Variants in ASPSCR1 observed in about 807,000 individuals in gnomAD.
ASPSCR1 encodes tether containing UBX domain for GLUT4.
Under a neutral mutation model 68.9 loss-of-function variants are expected in ASPSCR1, and 55 were observed. The observed-to-expected ratio is 0.80, with a 90% CI of 0.64 to 1.00. The LOEUF (loss-of-function observed/expected upper bound fraction) is 1.00, where lower values mean the gene tolerates loss of function less well. ASPSCR1 is among the 50% of genes least tolerant of loss of function. The probability of loss-of-function intolerance (pLI) is 0.00; values close to 1 mark genes in which losing one functional copy is unlikely to be tolerated. For synonymous variants in ASPSCR1, 352 were observed against 332.6 expected (o/e 1.06, Z -0.63); for missense variants, 765 against 762.2 (o/e 1.00, Z -0.04).
chr17:82,000,019 C>A (rs574482039), intron 7 of ASPSCR1, among the ~76,000 whole-genome samples: 1 of 152,370 alleles, frequency 6.6e-6, no homozygotes, highest in African/African-American at 2.4e-5. Flanking sequence ...CATCCTCCCT[C>A]TGGGAACTCT....
At chr17:81,980,531 C>T (rs1054662127) in intron 2 of ASPSCR1, among the ~76,000 whole-genome samples, 2 of 152,230 alleles carry the variant, frequency 1.3e-5, no homozygotes, top group African/African-American at 4.8e-5. Context: ...TCTCCAGTCT[C>T]TCTTGTCAAC....
chr17:82,010,793 C>T lies in ASPSCR1; in HGVS notation c.1171-9C>T, dbSNP rs1372882035. On this transcript the variant is annotated splice_polypyrimidine_tract_variant and intron_variant, in intron 9 of 15. Coordinates refer to ENST00000306739, the MANE Select transcript of ASPSCR1 (RefSeq NM_024083.4). ...CCGTCCCTCCAACCCTTCCACTTGT[C>T]TGGCCTAGGTGGCTCTGAGGGTCCT... 1 of 1,612,816 alleles carries T rather than the reference C, an allele frequency of 6.2e-7. No homozygotes were observed. Among genetic ancestry groups the T allele is most frequent in the Non-Finnish European group, 8.5e-7 (1 of 1,179,664 alleles).
intron 4 of ASPSCR1, among the ~76,000 whole-genome samples, chr17:81,988,321 C>T (rs1200518882): frequency 4.0e-5 from 6 of 151,766 alleles, no homozygotes; most frequent in African/African-American, 7.3e-5. Flanking sequence ...ATTAGCTGGG[C>T]GCAATGGCTC....
chr17:81,994,145 A>G (rs1004551500), intron 4 of ASPSCR1, among the ~76,000 whole-genome samples: 3 of 152,232 alleles, frequency 2.0e-5, no homozygotes, highest in Admixed American at 6.5e-5. Flanking sequence ...CATGCACATC[A>G]GGCATGTGTG....
chr17:82,017,313 C>G lies in ASPSCR1; in HGVS notation c.1653C>G (p.Ser551Arg). The change falls in exon 16 of 16, where the codon AGC becomes AGG. Residue 551 changes from serine to arginine, a missense_variant. By Grantham distance (110) the Ser-to-Arg change is moderately radical. Coordinates refer to ENST00000306739, the MANE Select transcript of ASPSCR1 (RefSeq NM_024083.4). The part of the protein sequence containing the change: ...KVPKWLKLPA[S>R]KR ...CCTGATGTGTCTGCACTACAGCCAGCAAGAGGTGAGAGCTGCCAGCCTGAG... is the reference window on the plus strand; with the variant it reads ...CCTGATGTGTCTGCACTACAGCCAGGAAGAGGTGAGAGCTGCCAGCCTGAG... 1 of 1,611,414 alleles carries G rather than the reference C, an allele frequency of 6.2e-7. No individual in the cohort carries two copies. Among genetic ancestry groups the G allele is most frequent in the Non-Finnish European group, 8.5e-7 (1 of 1,179,936 alleles).
chr17:81,991,856 C>T (rs2042179070), intron 4 of ASPSCR1, among the ~76,000 whole-genome samples: 1 of 152,250 alleles, frequency 6.6e-6, no homozygotes, highest in South Asian at 2.1e-4. Flanking sequence ...TTGTCATACC[C>T]AGACAGGACA....
intron 10 of ASPSCR1, 25 bp downstream of exon 10, chr17:82,010,893 G>C: frequency 6.2e-7 from 1 of 1,607,994 alleles, no homozygotes; most frequent in Non-Finnish European, 8.5e-7. Flanking sequence ...GGGGTGTCCG[G>C]GGATGGGGGG....
At chr17:82,010,295 C>T (rs574843539) in intron 9 of ASPSCR1, among the ~76,000 whole-genome samples, 16 of 150,926 alleles carry the variant, frequency 1.1e-4, no homozygotes, top group East Asian at 6.1e-4. Flanking sequence ...TTTGGGAGGC[C>T]AAGGTGGGCG....
rs1323806691 is a variant in ASPSCR1, at chr17:81,977,787, G to T, written c.102+39G>T. ...CCCGGGGCGGACGGGTAGGCGGGCGGGGGGCGCTGCGCCGAGGCCCCGCCC... is the reference window on the plus strand; with the variant it reads ...CCCGGGGCGGACGGGTAGGCGGGCGTGGGGCGCTGCGCCGAGGCCCCGCCC... On this transcript the variant is annotated intron_variant, in intron 1 of 15. Coordinates refer to ENST00000306739, the MANE Select transcript of ASPSCR1 (RefSeq NM_024083.4). This position sits in a 1 kb window ranked among gnomAD's most constrained non-coding sequence, Gnocchi z 5.0. 18 of 1,205,518 alleles carry T rather than the reference G, an allele frequency of 1.5e-5. No homozygotes were observed. The highest frequency in any genetic ancestry group is 1.7e-5 in the Non-Finnish European group (16 of 969,352). The allele number at this position is 1,205,518 out of a possible 1,614,324, so 74.7% of individuals were successfully genotyped here.
At position 81,977,760 on chromosome 17, in the gene ASPSCR1, C is replaced by G. The variant is rs9906594; in HGVS notation, c.102+12C>G. Reference sequence around the variant, plus strand: ...CCGTGCTGCTTCAGGTGCGGCCGCCCGCCCGGGGCGGACGGGTAGGCGGGC... The same window carrying G: ...CCGTGCTGCTTCAGGTGCGGCCGCCGGCCCGGGGCGGACGGGTAGGCGGGC... On this transcript the variant is annotated intron_variant, in intron 1 of 15. Coordinates refer to ENST00000306739, the MANE Select transcript of ASPSCR1 (RefSeq NM_024083.4). This position sits in a 1 kb window ranked among gnomAD's most constrained non-coding sequence, Gnocchi z 5.0. The G allele has an allele frequency of 0.65, 792,228 of 1,220,708 alleles. 259,796 individuals are homozygous for G. Among genetic ancestry groups the G allele is most frequent in the African/African-American group, 0.68 (43,124 of 63,662 alleles). The allele number at this position is 1,220,708 out of a possible 1,614,324, so 75.6% of individuals were successfully genotyped here.
At chr17:81,985,048 C>CA (rs1555630244) in intron 3 of ASPSCR1, among the ~76,000 whole-genome samples, 1 of 134,896 alleles carries the variant, frequency 7.4e-6, no homozygotes, top group African/African-American at 3.1e-5. Context: ...CACCTCCCCC[C>CA]CACACACACC....
rs2041661556 is a variant in ASPSCR1 at position 81,977,935 on chromosome 17, G to C, written c.102+187G>C. The C allele has an allele frequency of 5.6e-6, 2 of 355,492 alleles. No individual in the cohort carries two copies. The highest frequency in any genetic ancestry group is 5.0e-5 in the East Asian group (1 of 20,144). 22.0% of individuals were successfully genotyped at this position (355,492 alleles called of 1,614,324 possible). ...CTTCCGCTGGGGTCCCGGGGGTCCC[G>C]GGGGTCCCGAGTGGGGGCGGGGCGG... On this transcript the variant is annotated intron_variant, in intron 1 of 15. Transcript: ENST00000306739. The surrounding 1 kb of genome is among the most constrained non-coding windows in gnomAD (Gnocchi z 5.0).
intron 9 of ASPSCR1, among the ~76,000 whole-genome samples, chr17:82,010,497 C>A (rs1460463670): frequency 6.7e-6 from 1 of 149,696 alleles, no homozygotes; most frequent in Non-Finnish European, 1.5e-5. Flanking sequence ...CCACTGCACT[C>A]CAGCCTGGGC....
chr17:81,993,404 G>C (rs60146039), intron 4 of ASPSCR1, among the ~76,000 whole-genome samples: 7,855 of 152,148 alleles, frequency 0.052, 286 homozygotes, highest in South Asian at 0.14. Flanking sequence ...TAGTAGAGAC[G>C]GGGTTTCATT....
chr17:82,009,091 G>C lies in ASPSCR1; in HGVS notation c.988G>C (p.Glu330Gln). The change falls in exon 8 of 16, where the codon GAG becomes CAG. Residue 330 changes from glutamate to glutamine, a missense_variant. By Grantham distance (29) the Glu-to-Gln change is conservative (BLOSUM62 2). Transcript: ENST00000306739. ...GCCGGTGGTGTGCCACCCCGACCTG[G>C]AGGAGCGGCTGCAGGCCTGGCCAGC... ...REPVVCHPDL[E>Q]ERLQAWPAEL... 3 of 1,587,846 alleles carry C rather than the reference G, an allele frequency of 1.9e-6. No homozygotes were observed. The highest frequency in any genetic ancestry group is 2.6e-6 in the Non-Finnish European group (3 of 1,167,548).
At position 82,012,260 on chromosome 17, in the gene ASPSCR1, G is replaced by C; in HGVS notation, c.1330G>C (p.Asp444His). Residue 444 changes from aspartate (D) to histidine (H), a missense_variant, in exon 12 of 16, where the codon GAC (aspartate) becomes CAC (histidine). Physicochemically the swap from Asp to His is moderately conservative, Grantham distance 81. Transcript: ENST00000306739. ...CACCCCTCCAAAAACAGTCCTGGAC[G>C]ACCACACGCAGACCCTCTTTCAGGT... is the stretch of plus-strand genomic sequence containing the variant. ...FITPPKTVLD[D>H]HTQTLFQANL... 1.2e-6 allele frequency: 2 copies of C among 1,613,560 alleles called. No homozygotes were observed. The highest frequency in any genetic ancestry group is 1.7e-6 in the Non-Finnish European group (2 of 1,179,942).
intron 7 of ASPSCR1, chr17:82,006,663 C>G (rs1188854302): frequency 6.6e-6 from 1 of 152,282 alleles, no homozygotes; most frequent in Non-Finnish European, 1.5e-5. Context: ...GGCGAGGAGG[C>G]TGGGGAGGGG....
At chr17:81,985,835 C>T (rs757913390) in intron 4 of ASPSCR1, among the ~76,000 whole-genome samples, 34 of 152,252 alleles carry the variant, frequency 2.2e-4, no homozygotes, top group Admixed American at 6.5e-4. Context: ...CTGGGCCCAG[C>T]GGCCCAGCCT....
At chr17:81,980,021 C>A (rs927464995) in intron 2 of ASPSCR1, among the ~76,000 whole-genome samples, 3 of 152,148 alleles carry the variant, frequency 2.0e-5, no homozygotes, top group Admixed American at 2.0e-4. Context: ...TCACTCTTGT[C>A]GCCCAGGCTG....
Sources: gnomAD v4.1 joint callset for allele counts (sites outside exome capture counted in the v4.1 genomes callset) on GRCh38, gnomAD v4.1.1 for gene constraint, Gnocchi (gnomAD v3.1) non-coding constraint, MANE v1.5 for transcripts, NCBI Gene and HGNC (gene_info 2026-07-23, HGNC 2026-07-21) for gene names.